The following IGF1R variants were observed in gnomAD, a reference collection of about 807,000 sequenced individuals.
The protein encoded by IGF1R is insulin-like growth factor 1 receptor.
In IGF1R, 44 loss-of-function variants were observed where a neutral mutation model predicts 144.6. The observed-to-expected ratio is 0.30, with a 90% CI of 0.24 to 0.39. IGF1R has a LOEUF of 0.39. Among genes scored for constraint, IGF1R ranks in the 10% least tolerant of loss-of-function variants. IGF1R has a pLI of 1.00. For synonymous variants in IGF1R, 795 were observed against 722.8 expected (o/e 1.10, Z -1.60); for missense variants, 1,355 against 1,833.7 (o/e 0.74, Z 4.77).
At chr15:98,692,856 G>A (rs1448600034) in intron 1 of IGF1R, among the ~76,000 whole-genome samples, 6 of 152,250 alleles carry the variant, frequency 3.9e-5, no homozygotes, top group South Asian at 2.1e-4. Flanking sequence ...GGATATAGAC[G>A]TAGCCACCCC....
At chr15:98,943,655 T>C (rs45571733) in intron 19 of IGF1R, among the ~76,000 whole-genome samples, 7,221 of 152,304 alleles carry the variant, frequency 0.047, 239 homozygotes, top group African/African-American at 0.087. Context: ...TAGTATTGTT[T>C]ATTGCAGTTC....
chr15:98,746,658 C>T (rs1268777696), intron 2 of IGF1R, among the ~76,000 whole-genome samples: 1 of 152,188 alleles, frequency 6.6e-6, no homozygotes, highest in Non-Finnish European at 1.5e-5. Context: ...TGAACTTGTT[C>T]TCCTTTGGTC....
At position 98,911,174 on chromosome 15, in the gene IGF1R, G is replaced by A. The variant is rs35434758; in HGVS notation, c.1463-141G>A. The A allele has an allele frequency of 5.9e-4, 536 of 901,518 alleles. 1 individual carries two copies. In the African/African-American group the frequency reaches 7.8e-3, roughly 13 times the overall value. 55.8% of individuals were successfully genotyped at this position (901,518 alleles called of 1,614,324 possible). On this transcript the variant is annotated intron_variant, in intron 6 of 20. Coordinates refer to ENST00000650285, the MANE Select transcript of IGF1R (RefSeq NM_000875.5). ...AATGTATGATTTCTTAGTGGAAAAC[G>A]AGAAAGCCACTGAGGAAGCCCAGAA...
At chr15:98,798,077 G>C (rs939331670) in intron 2 of IGF1R, among the ~76,000 whole-genome samples, 2 of 152,214 alleles carry the variant, frequency 1.3e-5, no homozygotes, top group Non-Finnish European at 2.9e-5. Context: ...AGCACCTGCT[G>C]TGTGCCAGGC....
chr15:98,733,647 A>G (rs2054547018), intron 2 of IGF1R, among the ~76,000 whole-genome samples: 1 of 152,132 alleles, frequency 6.6e-6, no homozygotes, highest in Admixed American at 6.6e-5. Flanking sequence ...TGATTTGTAG[A>G]ATCAGTTTGC....
chr15:98,707,328 G>A lies in IGF1R; in HGVS notation c.95-234G>A, dbSNP rs1464003933. 1.3e-5 allele frequency among the ~76,000 whole-genome samples: 2 copies of A among 152,130 alleles called. No homozygotes were observed. The highest frequency in any genetic ancestry group is 1.9e-4 in the East Asian group (1 of 5,200). On this transcript the variant is annotated intron_variant, in intron 1 of 20. Coordinates refer to ENST00000650285, the MANE Select transcript of IGF1R (RefSeq NM_000875.5). This position sits in a 1 kb window ranked among gnomAD's most constrained non-coding sequence, Gnocchi z 6.7. ...AACGGGGATGGCCTCTCCCATGGTCGGTTGGAGTGTGTTGCACAGCGTCTG... is the reference window on the plus strand; with the variant it reads ...AACGGGGATGGCCTCTCCCATGGTCAGTTGGAGTGTGTTGCACAGCGTCTG...
intron 2 of IGF1R, among the ~76,000 whole-genome samples, chr15:98,779,130 G>A (rs1205951383): frequency 3.9e-5 from 6 of 152,214 alleles, no homozygotes; most frequent in Non-Finnish European, 5.9e-5. Context: ...TCAGTGTTCA[G>A]TACATCCACT....
intron 2 of IGF1R, among the ~76,000 whole-genome samples, chr15:98,724,505 A>G (rs986855878): frequency 1.3e-5 from 2 of 152,250 alleles, no homozygotes; most frequent in South Asian, 2.1e-4. Context: ...GGTAGGAGCC[A>G]TCACCGTCAG....
chr15:98,683,995 G>A (rs940858014), intron 1 of IGF1R, among the ~76,000 whole-genome samples: 2 of 152,296 alleles, frequency 1.3e-5, no homozygotes, highest in South Asian at 2.1e-4. Context: ...GCCCTGAGCA[G>A]TATTGTCTTC....
At chr15:98,921,137 AG>A (rs1371675824) in intron 10 of IGF1R, among the ~76,000 whole-genome samples, 4 of 152,200 alleles carry the variant, frequency 2.6e-5, no homozygotes, top group African/African-American at 9.7e-5. Context: ...CCCCAGCCGA[AG>A]GCCTCAGCCC....
chr15:98,879,475 A>G (rs1228201371), intron 2 of IGF1R, among the ~76,000 whole-genome samples: 1 of 152,216 alleles, frequency 6.6e-6, no homozygotes, highest in African/African-American at 2.4e-5. Flanking sequence ...CTCCATCATT[A>G]GAGCACGTGT....
intron 15 of IGF1R, among the ~76,000 whole-genome samples, chr15:98,933,453 C>T (rs995111115): frequency 6.6e-6 from 1 of 152,120 alleles, no homozygotes; most frequent in African/African-American, 2.4e-5. Flanking sequence ...AGGCGATTCT[C>T]CTGCCTCAGC....
At chr15:98,859,426 C>T (rs186181171) in intron 2 of IGF1R, among the ~76,000 whole-genome samples, 307 of 152,268 alleles carry the variant, frequency 2.0e-3, no homozygotes, top group African/African-American at 7.1e-3. Flanking sequence ...ACTGCATCTG[C>T]GATGTTTGCA....
At chr15:98,751,212 C>CT (rs1472979483) in intron 2 of IGF1R, among the ~76,000 whole-genome samples, 1 of 151,958 alleles carries the variant, frequency 6.6e-6, no homozygotes, top group Non-Finnish European at 1.5e-5. Flanking sequence ...TTAATTTTTT[C>CT]TTTTAAGAGC....
At chr15:98,874,590 C>T (rs2012958509) in intron 2 of IGF1R, among the ~76,000 whole-genome samples, 1 of 152,188 alleles carries the variant, frequency 6.6e-6, no homozygotes, top group Non-Finnish European at 1.5e-5. Context: ...GTGTTTAACC[C>T]AACTCTTGTG....
At chr15:98,922,574 A>T in intron 11 of IGF1R, 143 bp downstream of exon 11, 13 of 969,780 alleles carry the variant, frequency 1.3e-5, no homozygotes, top group East Asian at 2.5e-5. Flanking sequence ...AGTCATTGGC[A>T]GGTGGCGTGT....
intron 2 of IGF1R, among the ~76,000 whole-genome samples, chr15:98,828,245 C>T (rs2056932541): frequency 6.6e-6 from 1 of 152,202 alleles, no homozygotes; most frequent in Admixed American, 6.5e-5. Flanking sequence ...CTTCCACAGT[C>T]AGACCGTCAG....
intron 2 of IGF1R, among the ~76,000 whole-genome samples, chr15:98,834,907 T>G (rs1323734714): frequency 6.6e-6 from 1 of 152,158 alleles, no homozygotes; most frequent in Non-Finnish European, 1.5e-5. Flanking sequence ...ACAGTTTTGG[T>G]TAGGGATTTT....
chr15:98,850,938 C>G (rs2011504392), intron 2 of IGF1R, among the ~76,000 whole-genome samples: 1 of 152,114 alleles, frequency 6.6e-6, no homozygotes, highest in African/African-American at 2.4e-5. Context: ...ACACCTTGCC[C>G]TGGTATGCTC....
Sources: gnomAD v4.1 joint callset for allele counts (sites outside exome capture counted in the v4.1 genomes callset) on GRCh38, gnomAD v4.1.1 for gene constraint, Gnocchi (gnomAD v3.1) non-coding constraint, MANE v1.5 for transcripts, NCBI Gene and HGNC (gene_info 2026-07-23, HGNC 2026-07-21) for gene names.